ZSCAN5A: variants seen among roughly 807,000 people sequenced by gnomAD.
ZSCAN5A encodes zinc finger and SCAN domain-containing protein 5A.
A neutral mutation model predicts 23.7 loss-of-function variants in ZSCAN5A; 12 were observed. That is an observed-to-expected ratio of 0.51 (90% CI 0.32 to 0.82). The LOEUF (loss-of-function observed/expected upper bound fraction) is 0.82. ZSCAN5A is among the 40% of genes least tolerant of loss of function. The probability of loss-of-function intolerance (pLI) is 0.03; values close to 1 mark genes in which losing one functional copy is unlikely to be tolerated. For missense variants in ZSCAN5A, 597 were observed against 617.9 expected (o/e 0.97, Z 0.36); for synonymous variants, 257 against 239.9 (o/e 1.07, Z -0.66).
intron 2 of ZSCAN5A, among the ~76,000 whole-genome samples, chr19:56,334,757 T>C (rs1052495368): frequency 6.6e-6 from 1 of 151,918 alleles, no homozygotes; most frequent in Non-Finnish European, 1.5e-5. Flanking sequence ...TATAGAAAAG[T>C]GGCCAAATTA....
intron 2 of ZSCAN5A, among the ~76,000 whole-genome samples, chr19:56,292,467 T>G (rs1189745691): frequency 6.6e-6 from 1 of 151,782 alleles, no homozygotes; most frequent in Non-Finnish European, 1.5e-5. Flanking sequence ...ACTTTTTTTT[T>G]TTTTACTTTT....
intron 2 of ZSCAN5A, among the ~76,000 whole-genome samples, chr19:56,262,710 G>A (rs1007761555): frequency 6.6e-6 from 1 of 152,154 alleles, no homozygotes; most frequent in Admixed American, 6.5e-5. Context: ...GAGATTACAG[G>A]CATGAGCCAC....
At chr19:56,366,996 G>A (rs1600306793) in intron 1 of ZSCAN5A, among the ~76,000 whole-genome samples, 1 of 152,206 alleles carries the variant, frequency 6.6e-6, no homozygotes, top group South Asian at 2.1e-4. Flanking sequence ...AGAAAAACTG[G>A]TGACGTATTA....
At chr19:56,337,718 C>A (rs1416042623) in intron 2 of ZSCAN5A, among the ~76,000 whole-genome samples, 1 of 152,212 alleles carries the variant, frequency 6.6e-6, no homozygotes, top group Non-Finnish European at 1.5e-5. Flanking sequence ...TCCTATTCAG[C>A]CATCTTGGCT....
At chr19:56,243,937 CTAT>C (rs769293530) in intron 2 of ZSCAN5A, 13 of 572,000 alleles carry the variant, frequency 2.3e-5, no homozygotes, top group Non-Finnish European at 3.7e-5. Flanking sequence ...AACAGTGAAT[CTAT>C]TATTGAGGAA....
At chr19:56,286,021 CT>C (rs1486838632) in intron 2 of ZSCAN5A, among the ~76,000 whole-genome samples, 1 of 152,076 alleles carries the variant, frequency 6.6e-6, no homozygotes, top group East Asian at 1.9e-4. Context: ...TATTATCTAA[CT>C]TTTTATTTAT....
At chr19:56,318,995 C>G (rs1004785414), upstream of ZSCAN5A, among the ~76,000 whole-genome samples, 2 of 152,144 alleles carry the variant, frequency 1.3e-5, no homozygotes, top group African/African-American at 4.8e-5. Flanking sequence ...TCACCTGACT[C>G]CCCTTAAAGG....
At chr19:56,272,965 A>G (rs1403623082) in intron 2 of ZSCAN5A, 1 of 870,030 alleles carries the variant, frequency 1.1e-6, no homozygotes, top group Non-Finnish European at 1.4e-6. Flanking sequence ...ATTTTCTTAC[A>G]ACTTGGGAGG....
chr19:56,292,208 C>T (rs564629713), intron 2 of ZSCAN5A, among the ~76,000 whole-genome samples: 1 of 152,222 alleles, frequency 6.6e-6, no homozygotes, highest in African/African-American at 2.4e-5. Flanking sequence ...CTGTTTGCCA[C>T]ATGTGGGTAA....
At chr19:56,343,568 T>G in intron 2 of ZSCAN5A, 1 of 345,686 alleles carries the variant, frequency 2.9e-6, no homozygotes, top group Middle Eastern at 1.1e-3. Context: ...AGAGGTACTA[T>G]TATCATTTCA....
At chr19:56,246,967 G>T in intron 2 of ZSCAN5A, 2 of 1,471,340 alleles carry the variant, frequency 1.4e-6, no homozygotes, top group East Asian at 4.5e-5. Flanking sequence ...CGAATCCCCA[G>T]GAAAACCTGA....
At chr19:56,245,766 T>C (rs1305652011) in intron 2 of ZSCAN5A, among the ~76,000 whole-genome samples, 3 of 152,130 alleles carry the variant, frequency 2.0e-5, no homozygotes, top group African/African-American at 7.2e-5. Context: ...GAGCGCACTT[T>C]CTACAGATTG....
At chr19:56,253,623 T>TAAC (rs1555797857) in intron 2 of ZSCAN5A, among the ~76,000 whole-genome samples, 2,249 of 151,912 alleles carry the variant, frequency 0.015, 52 homozygotes, top group African/African-American at 0.051. Context: ...GTTGTGATAT[T>TAAC]AAGGACTGAG....
intron 2 of ZSCAN5A, among the ~76,000 whole-genome samples, chr19:56,330,581 C>A (rs1056633860): frequency 6.6e-6 from 1 of 152,170 alleles, no homozygotes; most frequent in African/African-American, 2.4e-5. Flanking sequence ...ATTTCTCTGA[C>A]GACTAGTAAA....
intron 2 of ZSCAN5A, among the ~76,000 whole-genome samples, chr19:56,298,679 CTCTA>C (rs1239476019): frequency 2.0e-5 from 3 of 151,804 alleles, no homozygotes; most frequent in Non-Finnish European, 4.4e-5. Context: ...CTGAATAATC[CTCTA>C]TCTATTAAAG....
chr19:56,249,670 C>T (rs187027594), intron 2 of ZSCAN5A, among the ~76,000 whole-genome samples: 37 of 152,322 alleles, frequency 2.4e-4, no homozygotes, highest in African/African-American at 8.2e-4. Flanking sequence ...TAATACGGCA[C>T]ATTTGCCACA....
intron 5 of ZSCAN5A, 87 bp from the exon 6 acceptor site, chr19:56,222,413 A>C: frequency 2.5e-6 from 4 of 1,571,210 alleles, no homozygotes; most frequent in Non-Finnish European, 3.4e-6. Flanking sequence ...ATGTTGGCTG[A>C]CAACTTCCGC....
At chr19:56,229,145 G>T (rs111377012) in intron 2 of ZSCAN5A, among the ~76,000 whole-genome samples, 5,747 of 152,144 alleles carry the variant, frequency 0.038, 363 homozygotes, top group African/African-American at 0.13. Context: ...ATTACAATTT[G>T]GGAAGTTCAC....
At chr19:56,336,317 G>A (rs4801710) in intron 2 of ZSCAN5A, among the ~76,000 whole-genome samples, 8,316 of 151,790 alleles carry the variant, frequency 0.055, 429 homozygotes, top group East Asian at 0.26. Flanking sequence ...TTCTCTTCTC[G>A]CTTCATTTCA....
Sources: gnomAD v4.1 joint callset for allele counts (sites outside exome capture counted in the v4.1 genomes callset) on GRCh38, gnomAD v4.1.1 for gene constraint, MANE v1.5 for transcripts, NCBI Gene and HGNC (gene_info 2026-07-23, HGNC 2026-07-21) for gene names.